Variants in ARID2 observed in about 807,000 individuals in gnomAD.
ARID2 encodes the protein AT-rich interaction domain 2.
A neutral mutation model predicts 184.6 loss-of-function variants in ARID2; 32 were observed. The ratio of observed to expected loss-of-function variants is 0.17; its 90% CI spans 0.13 to 0.23. ARID2 has a LOEUF of 0.23. Among genes scored for constraint, ARID2 ranks in the 10% least tolerant of loss-of-function variants. ARID2 has a pLI of 1.00. For missense variants in ARID2, 1,696 were observed against 2,197.6 expected, an observed-to-expected ratio of 0.77 and a Z score of 4.56; for synonymous variants, 836 against 772.6, an observed-to-expected ratio of 1.08 and a Z score of -1.36.
intron 3 of ARID2, among the ~76,000 whole-genome samples, chr12:45,745,970 G>A (rs1941347639): frequency 6.6e-6 from 1 of 151,486 alleles, no homozygotes. Context: ...ATTTGATAAA[G>A]CTTATATATT....
chr12:45,771,289 C>T (rs1419986978), intron 3 of ARID2, among the ~76,000 whole-genome samples: 5 of 146,288 alleles, frequency 3.4e-5, no homozygotes, highest in Non-Finnish European at 5.9e-5. Flanking sequence ...GCCCGGGAGG[C>T]GGAGGTTGCA....
intron 16 of ARID2, among the ~76,000 whole-genome samples, chr12:45,882,958 G>T (rs926460847): frequency 6.6e-6 from 1 of 152,112 alleles, no homozygotes; most frequent in Non-Finnish European, 1.5e-5. Flanking sequence ...TGCTGACTTA[G>T]CCTGTTGGCA....
chr12:45,766,516 T>C (rs1391760465), intron 3 of ARID2, among the ~76,000 whole-genome samples: 3 of 148,936 alleles, frequency 2.0e-5, no homozygotes, highest in African/African-American at 7.4e-5. Context: ...TTTTATTTTA[T>C]TTATTTATTT....
intron 3 of ARID2, among the ~76,000 whole-genome samples, chr12:45,737,402 C>T (rs978075200): frequency 2.6e-5 from 4 of 151,578 alleles, no homozygotes; most frequent in Admixed American, 2.6e-4. Flanking sequence ...GTAAAGGGGT[C>T]AATTTGTTCT....
At chr12:45,899,697 ATATATATATATGGTTATATATATATGGT>A (rs1300440865) in intron 20 of ARID2, among the ~76,000 whole-genome samples, 17 of 105,522 alleles carry the variant, frequency 1.6e-4, no homozygotes, top group Admixed American at 6.0e-4. Context: ...ATATATGGTT[ATATATATATATGGTTATATATATATGGT>A]TATATATATA....
rs1944527423 is a variant in ARID2, at chr12:45,906,087, C to T, written c.*1009C>T. The stretch of plus-strand genomic sequence containing the variant: ...TTTGGTTTTCCTTAACATGTATCCA[C>T]TGTAAACGTTTGTCGTGTACAAGCT... On this transcript the variant is annotated 3_prime_UTR_variant, in exon 21 of 21. Coordinates refer to ENST00000334344, the MANE Select transcript of ARID2 (RefSeq NM_152641.4). 8.6e-6 allele frequency: 2 copies of T among 232,230 alleles called. No individual in the cohort carries two copies. The highest frequency in any genetic ancestry group is 1.7e-5 in the Non-Finnish European group (2 of 117,452). 14.4% of individuals were successfully genotyped at this position (232,230 alleles called of 1,614,324 possible).
chr12:45,886,083 G>C (rs947044864), intron 16 of ARID2, among the ~76,000 whole-genome samples: 2 of 152,070 alleles, frequency 1.3e-5, no homozygotes, highest in African/African-American at 4.8e-5. Context: ...TTTGAGACAA[G>C]GAAAGTCCCT....
intron 3 of ARID2, among the ~76,000 whole-genome samples, chr12:45,752,588 C>A (rs1941483754): frequency 6.6e-6 from 1 of 152,164 alleles, no homozygotes; most frequent in South Asian, 2.1e-4. Flanking sequence ...ATGGTATAAT[C>A]ATAGCTCACC....
chr12:45,803,870 G>A (rs538703959), intron 3 of ARID2, among the ~76,000 whole-genome samples: 2 of 152,196 alleles, frequency 1.3e-5, no homozygotes, highest in South Asian at 4.1e-4. Flanking sequence ...CTAGACACAC[G>A]CAGACATTAG....
intron 16 of ARID2, among the ~76,000 whole-genome samples, chr12:45,873,415 T>C (rs1249695648): frequency 1.3e-5 from 2 of 152,240 alleles, no homozygotes; most frequent in Non-Finnish European, 2.9e-5. Context: ...CTGTCCCATT[T>C]TTCTGCCTTC....
chr12:45,876,371 A>AG (rs1161753467), intron 16 of ARID2, among the ~76,000 whole-genome samples: 1 of 151,964 alleles, frequency 6.6e-6, no homozygotes, highest in Non-Finnish European at 1.5e-5. Context: ...ACCAACATGG[A>AG]GAAACCCTGT....
In ARID2 at chr12:45,866,229, A is replaced by G. The variant is rs1943829985; in HGVS notation, c.4922+5280A>G. Reference sequence around the variant, plus strand: ...TATTGAATACCAATAATTCCCTTTTATTGCACTGTCTTTGTTATCTGCATT... The same window carrying G: ...TATTGAATACCAATAATTCCCTTTTGTTGCACTGTCTTTGTTATCTGCATT... On this transcript the variant is annotated intron_variant, in intron 16 of 20. Coordinates refer to ENST00000334344, the MANE Select transcript of ARID2 (RefSeq NM_152641.4). 1.3e-5 allele frequency among the ~76,000 whole-genome samples: 2 copies of G among 151,982 alleles called. 1 individual carries two copies. Among genetic ancestry groups the G allele is most frequent in the South Asian group, 4.1e-4 (2 of 4,828 alleles).
intron 3 of ARID2, among the ~76,000 whole-genome samples, chr12:45,746,663 C>T (rs969209938): frequency 6.6e-6 from 1 of 152,154 alleles, no homozygotes; most frequent in Admixed American, 6.5e-5. Context: ...TTTCTCTTCA[C>T]ACCTCCCTAT....
intron 3 of ARID2, among the ~76,000 whole-genome samples, chr12:45,770,278 G>A (rs1016794767): frequency 9.2e-5 from 14 of 151,936 alleles, no homozygotes; most frequent in African/African-American, 2.9e-4. Context: ...AAACAAGAAG[G>A]CAAAACAAAA....
intron 16 of ARID2, among the ~76,000 whole-genome samples, chr12:45,866,165 A>G (rs1049479147): frequency 1.3e-5 from 2 of 152,094 alleles, no homozygotes; most frequent in Admixed American, 6.6e-5. Flanking sequence ...CTATATATAT[A>G]TACTTTTTAT....
At position 45,907,685 on chromosome 12, in the gene ARID2, A is replaced by G. The variant is rs1944547095; in HGVS notation, c.*2607A>G. 4.3e-6 allele frequency: 1 copy of G among 233,096 alleles called. No individual in the cohort carries two copies. Among genetic ancestry groups the G allele is most frequent in the African/African-American group, 2.2e-5 (1 of 45,342 alleles). 14.4% of individuals were successfully genotyped at this position (233,096 alleles called of 1,614,324 possible). A position where few individuals can be genotyped will look rare whatever the true frequency, so the allele number is the denominator to read the frequency against. On this transcript the variant is annotated 3_prime_UTR_variant, in exon 21 of 21. Coordinates refer to ENST00000334344, the MANE Select transcript of ARID2 (RefSeq NM_152641.4). ...TGAAAAGGTGCTCCTTGCTAGACAG[A>G]AACTTGCTGATTTACAGTATTGTTA...
At chr12:45,870,977 A>G (rs573030907) in intron 16 of ARID2, among the ~76,000 whole-genome samples, 29 of 152,326 alleles carry the variant, frequency 1.9e-4, no homozygotes, top group African/African-American at 5.5e-4. Flanking sequence ...GCAAACACCT[A>G]GGATTATAAT....
intron 20 of ARID2, among the ~76,000 whole-genome samples, chr12:45,901,154 A>ATTTTTTTTTTTTTTTTTT (rs71067909): frequency 2.2e-5 from 1 of 44,968 alleles, no homozygotes; most frequent in African/African-American, 1.4e-4. Flanking sequence ...AATTTCCTTA[A>ATTTTTTTTTTTTTTTTTT]TTTTTTTTTT....
At chr12:45,810,169 T>C (rs1942678649) in intron 3 of ARID2, among the ~76,000 whole-genome samples, 1 of 152,258 alleles carries the variant, frequency 6.6e-6, no homozygotes, top group Admixed American at 6.5e-5. Flanking sequence ...CTGTGAAGCA[T>C]AGTAACAGCT....
Sources: gnomAD v4.1 joint callset for allele counts (sites outside exome capture counted in the v4.1 genomes callset) on GRCh38, gnomAD v4.1.1 for gene constraint, MANE v1.5 for transcripts, NCBI Gene and HGNC (gene_info 2026-07-23, HGNC 2026-07-21) for gene names.